DEXI: variants seen among roughly 807,000 people sequenced by gnomAD.
DEXI encodes dexamethasone-induced protein.
DEXI carries 2 observed loss-of-function variants against 2.5 expected under a neutral mutation model. The observed-to-expected ratio is 0.81, with a 90% CI of 0.33 to 2.55. The LOEUF (loss-of-function observed/expected upper bound fraction) is 2.55. Ranked by LOEUF, DEXI falls within the 30% of genes most tolerant of loss-of-function variation. The pLI, the probability that DEXI is intolerant of heterozygous loss-of-function variation, is 0.11. For synonymous variants in DEXI, 71 were observed against 68.7 expected (o/e 1.03, Z -0.17); for missense variants, 108 against 130.3 (o/e 0.83, Z 0.83).
intron 1 of DEXI, chr16:10,932,128 T>TA (rs2040823200): frequency 1.3e-5 from 2 of 152,114 alleles, no homozygotes; most frequent in South Asian, 4.2e-4. Flanking sequence ...GACAGGGAGG[T>TA]GACCCCAGGT....
In DEXI at chr16:10,940,372, A is replaced by C. The variant is rs1202596577; in HGVS notation, c.*149+1197T>G. ...GTGTTCTGTTATAGCAGACTGAACT[A>C]AGACACCCTCTGCCTGTGGTTGTCT... On this transcript the variant is annotated intron_variant, in intron 1 of 1. Coordinates refer to ENST00000331808, the MANE Select transcript of DEXI (RefSeq NM_014015.4). The surrounding 1 kb of genome is among the most constrained non-coding windows in gnomAD (Gnocchi z 4.2). The C allele has an allele frequency of 6.6e-6, 1 of 152,268 alleles. No homozygotes were observed. The highest frequency in any genetic ancestry group is 1.5e-5 in the Non-Finnish European group (1 of 68,052). 9.4% of individuals were successfully genotyped at this position (152,268 alleles called of 1,614,324 possible). A position where few individuals can be genotyped will look rare whatever the true frequency, so the allele number is the denominator to read the frequency against.
In DEXI at chr16:10,941,916, G is replaced by A. The variant is rs368556482; in HGVS notation, c.90C>T (p.Tyr30=). The change falls in exon 1 of 2, where the codon TAC becomes TAT. Residue 30 remains tyrosine, a synonymous_variant. Transcript: ENST00000331808. This position sits in a 1 kb window ranked among gnomAD's most constrained non-coding sequence, Gnocchi z 6.4. ...GCACATTGACGAAGAACAGGCCCAC[G>A]TAGAACATAGAGGGCAGCAGCGGCG... ...VPPPLLPSMF[Y]VGLFFVNVLI... is the part of the protein sequence containing the mutation. The A allele has an allele frequency of 2.0e-5, 32 of 1,605,390 alleles. No individual in the cohort carries two copies. Among genetic ancestry groups the A allele is most frequent in the Non-Finnish European group, 2.6e-5 (31 of 1,176,994 alleles).
Position 10,942,267 on chromosome 16 carries a change from C to T in DEXI, c.-262G>A, listed in dbSNP as rs373494675. On this transcript the variant is annotated 5_prime_UTR_variant, in exon 1 of 2. Coordinates refer to ENST00000331808, the MANE Select transcript of DEXI (RefSeq NM_014015.4). The surrounding 1 kb of genome is among the most constrained non-coding windows in gnomAD (Gnocchi z 5.0). Reference sequence around the variant, plus strand: ...CGGGCCCCCCTGAAGTGGCCCGCGGCTGCCCGGCTCCCTCGTGGCGCCTCC... The same window carrying T: ...CGGGCCCCCCTGAAGTGGCCCGCGGTTGCCCGGCTCCCTCGTGGCGCCTCC... 2.6e-5 allele frequency: 9 copies of T among 342,404 alleles called. No homozygotes were observed. In the East Asian group the frequency reaches 4.3e-4, roughly 16 times the overall value. 21.2% of individuals were successfully genotyped at this position (342,404 alleles called of 1,614,324 possible).
chr16:10,938,275 G>A lies in DEXI; in HGVS notation c.*149+3294C>T, dbSNP rs964221998. 6.6e-6 allele frequency: 1 copy of A among 151,886 alleles called. No individual in the cohort carries two copies. Among genetic ancestry groups the A allele is most frequent in the African/African-American group, 2.4e-5 (1 of 41,340 alleles). 9.4% of individuals were successfully genotyped at this position (151,886 alleles called of 1,614,324 possible). A position where few individuals can be genotyped will look rare whatever the true frequency, so the allele number is the denominator to read the frequency against. ...AGCTACCCTGGGATGTGAACCCAGGGCCCTGGCTCTTAACCATGACCCTAA... is the reference window on the plus strand; with the variant it reads ...AGCTACCCTGGGATGTGAACCCAGGACCCTGGCTCTTAACCATGACCCTAA... On this transcript the variant is annotated intron_variant, in intron 1 of 1. Transcript: ENST00000331808. This position sits in a 1 kb window ranked among gnomAD's most constrained non-coding sequence, Gnocchi z 4.9.
In DEXI at chr16:10,929,756, C is replaced by G. The variant is rs78855021; in HGVS notation, c.*150-197G>C. ...AATGTCTTTCTGCAAATATAAAACT[C>G]TTTTTAATGAATTTGCCTAATTTCT... On this transcript the variant is annotated intron_variant, in intron 1 of 1. Transcript: ENST00000331808. The surrounding 1 kb of genome is among the most constrained non-coding windows in gnomAD (Gnocchi z 4.3). 1,648 of 168,524 alleles carry G rather than the reference C, an allele frequency of 9.8e-3. 16 individuals carry two copies. Among genetic ancestry groups the G allele is most frequent in the Non-Finnish European group, 0.014 (1,164 of 82,902 alleles). 10.4% of individuals were successfully genotyped at this position (168,524 alleles called of 1,614,324 possible).
chr16:10,929,830 G>C lies in DEXI; in HGVS notation c.*150-271C>G, dbSNP rs963826894. On this transcript the variant is annotated intron_variant, in intron 1 of 1. Coordinates refer to ENST00000331808, the MANE Select transcript of DEXI (RefSeq NM_014015.4). This position sits in a 1 kb window ranked among gnomAD's most constrained non-coding sequence, Gnocchi z 4.3. ...AGTGCAATGTCACACGGGAGAGGAA[G>C]GACTGTCCTGTTTATTGGGAGGGAG... 4 of 152,764 alleles carry C rather than the reference G, an allele frequency of 2.6e-5. No homozygotes were observed. The highest frequency in any genetic ancestry group is 9.6e-5 in the African/African-American group (4 of 41,468). The allele number at this position is 152,764 out of a possible 1,614,324, so 9.5% of individuals were successfully genotyped here. A position where few individuals can be genotyped will look rare whatever the true frequency, so the allele number is the denominator to read the frequency against.
At position 10,938,415 on chromosome 16, in the gene DEXI, T is replaced by C. The variant is rs913724870; in HGVS notation, c.*149+3154A>G. 2 of 151,628 alleles carry C rather than the reference T, an allele frequency of 1.3e-5. No individual in the cohort carries two copies. Among genetic ancestry groups the C allele is most frequent in the East Asian group, 3.9e-4 (2 of 5,188 alleles). 9.4% of individuals were successfully genotyped at this position (151,628 alleles called of 1,614,324 possible). A position where few individuals can be genotyped will look rare whatever the true frequency, so the allele number is the denominator to read the frequency against. ...GCAAAAGTAGGTGCACCTGTTCATC[T>C]TGAGATTCATCCTGGGCCCCACTGT... On this transcript the variant is annotated intron_variant, in intron 1 of 1. Transcript: ENST00000331808. This position sits in a 1 kb window ranked among gnomAD's most constrained non-coding sequence, Gnocchi z 4.9.
At position 10,929,509 on chromosome 16, in the gene DEXI, G is replaced by T. The variant is rs2040683791; in HGVS notation, c.*200C>A. 1 of 985,462 alleles carries T rather than the reference G, an allele frequency of 1.0e-6. No homozygotes were observed. The highest frequency in any genetic ancestry group is 1.7e-5 in the African/African-American group (1 of 57,220). 61.0% of individuals were successfully genotyped at this position (985,462 alleles called of 1,614,324 possible). A position where few individuals can be genotyped will look rare whatever the true frequency, so the allele number is the denominator to read the frequency against. ...TCCCAATCTCTCTTCCACTCTCCTGGGTTCAAACAGGAACCTCTCTGTTGG... is the reference window on the plus strand; with the variant it reads ...TCCCAATCTCTCTTCCACTCTCCTGTGTTCAAACAGGAACCTCTCTGTTGG... On this transcript the variant is annotated 3_prime_UTR_variant, in exon 2 of 2. Coordinates refer to ENST00000331808, the MANE Select transcript of DEXI (RefSeq NM_014015.4). The surrounding 1 kb of genome is among the most constrained non-coding windows in gnomAD (Gnocchi z 4.3).
At position 10,937,676 on chromosome 16, in the gene DEXI, T is replaced by C. The variant is rs1275936336; in HGVS notation, c.*149+3893A>G. The C allele has an allele frequency of 6.6e-6, 1 of 152,172 alleles. No homozygotes were observed. The highest frequency in any genetic ancestry group is 2.4e-5 in the African/African-American group (1 of 41,440). The allele number at this position is 152,172 out of a possible 1,614,324, so 9.4% of individuals were successfully genotyped here. A position where few individuals can be genotyped will look rare whatever the true frequency, so the allele number is the denominator to read the frequency against. On this transcript the variant is annotated intron_variant, in intron 1 of 1. Coordinates refer to ENST00000331808, the MANE Select transcript of DEXI (RefSeq NM_014015.4). The surrounding 1 kb of genome is among the most constrained non-coding windows in gnomAD (Gnocchi z 4.2). ...CACTTTCATTAGGAACCGGGACGAA[T>C]AATCCAACTGAGCTGCCTCTGCACC...
Position 10,934,341 on chromosome 16 carries a change from G to C in DEXI, c.*150-4782C>G. The C allele has an allele frequency of 6.6e-6, 1 of 152,232 alleles. No individual in the cohort carries two copies. The highest frequency in any genetic ancestry group is 1.9e-4 in the East Asian group (1 of 5,210). The allele number at this position is 152,232 out of a possible 1,614,324, so 9.4% of individuals were successfully genotyped here. A position where few individuals can be genotyped will look rare whatever the true frequency, so the allele number is the denominator to read the frequency against. On this transcript the variant is annotated intron_variant, in intron 1 of 1. Transcript: ENST00000331808. The surrounding 1 kb of genome is among the most constrained non-coding windows in gnomAD (Gnocchi z 4.2). Reference sequence around the variant, plus strand: ...GCAGTAGAATTTGTCATACACAGAAGGCAATGCTAAAAATACAATGAAAAT... The same window carrying C: ...GCAGTAGAATTTGTCATACACAGAACGCAATGCTAAAAATACAATGAAAAT...
At position 10,941,159 on chromosome 16, in the gene DEXI, G is replaced by C. The variant is rs2041097573; in HGVS notation, c.*149+410C>G. The C allele has an allele frequency of 6.5e-6, 1 of 152,974 alleles. No individual in the cohort carries two copies. The highest frequency in any genetic ancestry group is 2.4e-5 in the African/African-American group (1 of 41,426). 9.5% of individuals were successfully genotyped at this position (152,974 alleles called of 1,614,324 possible). A position where few individuals can be genotyped will look rare whatever the true frequency, so the allele number is the denominator to read the frequency against. ...TCGTGCCTGGCTCCCTGTGTCTTCT[G>C]ACACCCCTAAATCTTTATCCTTCTA... On this transcript the variant is annotated intron_variant, in intron 1 of 1. Transcript: ENST00000331808. The surrounding 1 kb of genome is among the most constrained non-coding windows in gnomAD (Gnocchi z 6.4).
chr16:10,929,525 T>C lies in DEXI; in HGVS notation c.*184A>G. The C allele has an allele frequency of 8.1e-6, 8 of 985,488 alleles. No homozygotes were observed. Among genetic ancestry groups the C allele is most frequent in the Non-Finnish European group, 9.6e-6 (8 of 829,932 alleles). The allele number at this position is 985,488 out of a possible 1,614,324, so 61.0% of individuals were successfully genotyped here. Reference sequence around the variant, plus strand: ...ACTCTCCTGGGTTCAAACAGGAACCTCTCTGTTGGCACGAAGCTTTTGAGG... The same window carrying C: ...ACTCTCCTGGGTTCAAACAGGAACCCCTCTGTTGGCACGAAGCTTTTGAGG... On this transcript the variant is annotated 3_prime_UTR_variant, in exon 2 of 2. Transcript: ENST00000331808. The surrounding 1 kb of genome is among the most constrained non-coding windows in gnomAD (Gnocchi z 4.3).
chr16:10,930,300 TG>T (rs1169455916), intron 1 of DEXI: 1 of 152,252 alleles, frequency 6.6e-6, no homozygotes, highest in Non-Finnish European at 1.5e-5. Context: ...CATGTATTGT[TG>T]TTTGACAGGG....
Position 10,929,769 on chromosome 16 carries a change from T to A in DEXI, c.*150-210A>T, listed in dbSNP as rs867909357. On this transcript the variant is annotated intron_variant, in intron 1 of 1. Transcript: ENST00000331808. The surrounding 1 kb of genome is among the most constrained non-coding windows in gnomAD (Gnocchi z 4.3). ...AAATATAAAACTCTTTTTAATGAAT[T>A]TGCCTAATTTCTCAGAGACCCTGGG... 6.1e-6 allele frequency: 1 copy of A among 162,726 alleles called. No individual in the cohort carries two copies. Among genetic ancestry groups the A allele is most frequent in the African/African-American group, 2.4e-5 (1 of 41,630 alleles). The allele number at this position is 162,726 out of a possible 1,614,324, so 10.1% of individuals were successfully genotyped here. A position where few individuals can be genotyped will look rare whatever the true frequency, so the allele number is the denominator to read the frequency against.
At chr16:10,933,567 C>G (rs754399767) in intron 1 of DEXI, 1 of 152,324 alleles carries the variant, frequency 6.6e-6, no homozygotes, top group Non-Finnish European at 1.5e-5. Flanking sequence ...CAGTGCCCAC[C>G]ACATTGGGCT....
chr16:10,933,828 AC>A (rs1003620265), intron 1 of DEXI: 7 of 152,080 alleles, frequency 4.6e-5, no homozygotes, highest in Non-Finnish European at 8.8e-5. Context: ...GACAGACGTC[AC>A]CCTCCCCTAC....
Position 10,942,257 on chromosome 16 carries a change from T to G in DEXI, c.-252A>C. 2.9e-6 allele frequency: 1 copy of G among 342,756 alleles called. No homozygotes were observed. Among genetic ancestry groups the G allele is most frequent in the Non-Finnish European group, 5.3e-6 (1 of 189,630 alleles). 21.2% of individuals were successfully genotyped at this position (342,756 alleles called of 1,614,324 possible). On this transcript the variant is annotated 5_prime_UTR_variant, in exon 1 of 2. Transcript: ENST00000331808. This position sits in a 1 kb window ranked among gnomAD's most constrained non-coding sequence, Gnocchi z 5.0. ...GGCGGCGAGGCGGGCCCCCCTGAAG[T>G]GGCCCGCGGCTGCCCGGCTCCCTCG...
In DEXI at chr16:10,939,210, A is replaced by G. The variant is rs778747099; in HGVS notation, c.*149+2359T>C. ...GTTCTCAGTCTGTTCATGTTTCTCTATCTTCACTAAACTCCCCTCATCCAA... is the reference window on the plus strand; with the variant it reads ...GTTCTCAGTCTGTTCATGTTTCTCTGTCTTCACTAAACTCCCCTCATCCAA... On this transcript the variant is annotated intron_variant, in intron 1 of 1. Transcript: ENST00000331808. The surrounding 1 kb of genome is among the most constrained non-coding windows in gnomAD (Gnocchi z 4.9). 3.9e-5 allele frequency: 6 copies of G among 152,232 alleles called. No homozygotes were observed. Among genetic ancestry groups the G allele is most frequent in the African/African-American group, 9.7e-5 (4 of 41,440 alleles). The allele number at this position is 152,232 out of a possible 1,614,324, so 9.4% of individuals were successfully genotyped here. A position where few individuals can be genotyped will look rare whatever the true frequency, so the allele number is the denominator to read the frequency against.
rs1391102801 is a variant in DEXI, at chr16:10,939,051, G to C, written c.*149+2518C>G. The C allele has an allele frequency of 6.6e-6, 1 of 152,324 alleles. No individual in the cohort carries two copies. 9.4% of individuals were successfully genotyped at this position (152,324 alleles called of 1,614,324 possible). On this transcript the variant is annotated intron_variant, in intron 1 of 1. Coordinates refer to ENST00000331808, the MANE Select transcript of DEXI (RefSeq NM_014015.4). This position sits in a 1 kb window ranked among gnomAD's most constrained non-coding sequence, Gnocchi z 4.9. Reference sequence around the variant, plus strand: ...TCGCAGGCCCTTAGCACACGGCCTGGCAGAAGAGCAGGCAGGGTCAAAGTC... The same window carrying C: ...TCGCAGGCCCTTAGCACACGGCCTGCCAGAAGAGCAGGCAGGGTCAAAGTC...
Sources: allele counts gnomAD v4.1 joint callset, GRCh38; gene constraint gnomAD v4.1.1; non-coding constraint Gnocchi (gnomAD v3.1); transcripts MANE v1.5; gene names NCBI Gene and HGNC (gene_info 2026-07-23, HGNC 2026-07-21).